Variants in ARSK observed in about 807,000 individuals in gnomAD.
The protein encoded by ARSK is arylsulfatase K.
A neutral mutation model predicts 53.2 loss-of-function variants in ARSK; 37 were observed. That is an observed-to-expected ratio of 0.70 (90% CI 0.54 to 0.92). The LOEUF (loss-of-function observed/expected upper bound fraction) is 0.92. Ranked by LOEUF, ARSK falls within the 40% of genes least tolerant of loss-of-function variation. The pLI, the probability that ARSK is intolerant of heterozygous loss-of-function variation, is 0.00. For missense variants in ARSK, 613 were observed against 643.0 expected, an observed-to-expected ratio of 0.95 and a Z score of 0.51; for synonymous variants, 208 against 223.2, an observed-to-expected ratio of 0.93 and a Z score of 0.61.
chr5:95,578,016 A>G (rs185079132), intron 3 of ARSK, among the ~76,000 whole-genome samples: 1 of 152,314 alleles, frequency 6.6e-6, no homozygotes, highest in South Asian at 2.1e-4. Flanking sequence ...ATGATGTTCC[A>G]ACCTGAATTT....
chr5:95,579,399 G>A (rs1458419781), intron 3 of ARSK, among the ~76,000 whole-genome samples: 1 of 152,210 alleles, frequency 6.6e-6, no homozygotes, highest in Non-Finnish European at 1.5e-5. Context: ...ATCTTACATG[G>A]CAGCAGGCAA....
At chr5:95,581,477 T>G (rs1319716245) in intron 3 of ARSK, among the ~76,000 whole-genome samples, 1 of 152,212 alleles carries the variant, frequency 6.6e-6, no homozygotes, top group Non-Finnish European at 1.5e-5. Context: ...AGGACAATAG[T>G]CTAACCTGAG....
intron 4 of ARSK, among the ~76,000 whole-genome samples, chr5:95,585,367 C>T (rs1749094979): frequency 6.6e-6 from 1 of 152,178 alleles, no homozygotes; most frequent in Non-Finnish European, 1.5e-5. Context: ...GATACTTGCT[C>T]TCACGTGTTT....
In ARSK at chr5:95,595,193, G is replaced by A. The variant is rs138229881; in HGVS notation, c.1096+3568G>A. ...AAAAGTCAAAAAGCAACAGATGTTG[G>A]TGAGGCTGCAGAGAAAGGGGAACAC... On this transcript the variant is annotated intron_variant, in intron 6 of 7. Coordinates refer to ENST00000380009, the MANE Select transcript of ARSK (RefSeq NM_198150.3). 3.8e-3 allele frequency among the ~76,000 whole-genome samples: 578 copies of A among 152,310 alleles called. 4 individuals are homozygous for A. Among genetic ancestry groups the A allele is most frequent in the South Asian group, 6.4e-3 (31 of 4,822 alleles).
intron 2 of ARSK, among the ~76,000 whole-genome samples, chr5:95,566,772 C>T (rs978022060): frequency 6.6e-6 from 1 of 152,016 alleles, no homozygotes; most frequent in Non-Finnish European, 1.5e-5. Flanking sequence ...TTTTCCTTTT[C>T]CCCTGTCTTC....
At chr5:95,573,123 C>T (rs778285391) in intron 3 of ARSK, among the ~76,000 whole-genome samples, 7 of 152,176 alleles carry the variant, frequency 4.6e-5, no homozygotes, top group Non-Finnish European at 1.0e-4. Flanking sequence ...TTATGCTCGT[C>T]AGCCTGGTCT....
chr5:95,576,348 G>A (rs1748923574), intron 3 of ARSK, among the ~76,000 whole-genome samples: 1 of 151,516 alleles, frequency 6.6e-6, no homozygotes, highest in East Asian at 2.0e-4. Context: ...ATAGGTGCAT[G>A]CCACTACACC....
chr5:95,569,088 A>T (rs1415130764), intron 3 of ARSK, among the ~76,000 whole-genome samples: 1 of 152,176 alleles, frequency 6.6e-6, no homozygotes, highest in Non-Finnish European at 1.5e-5. Flanking sequence ...AATAAATTAT[A>T]GCCATGAGCG....
chr5:95,560,804 T>C (rs574496781), intron 1 of ARSK, among the ~76,000 whole-genome samples: 1 of 10,906 alleles, frequency 9.2e-5, no homozygotes, highest in African/African-American at 3.2e-4. Flanking sequence ...CAAAAGATCT[T>C]TTTTTTTTTT....
intron 3 of ARSK, 22 bp from the exon 4 acceptor site, chr5:95,582,894 A>G (rs1386997571): frequency 1.9e-6 from 3 of 1,573,966 alleles, no homozygotes; most frequent in Non-Finnish European, 2.6e-6. Context: ...CTGACAATAT[A>G]TGTGTCTTTT....
intron 6 of ARSK, among the ~76,000 whole-genome samples, chr5:95,599,911 T>C (rs749218075): frequency 5.3e-5 from 8 of 152,168 alleles, no homozygotes; most frequent in Non-Finnish European, 1.2e-4. Context: ...CTATTTTTCA[T>C]TGGAAATATT....
intron 3 of ARSK, among the ~76,000 whole-genome samples, chr5:95,578,821 T>G (rs975377144): frequency 3.9e-5 from 6 of 152,234 alleles, no homozygotes; most frequent in African/African-American, 9.7e-5. Flanking sequence ...CTGTGCTACT[T>G]GTAAACTGAT....
At chr5:95,562,847 C>T (rs532837966) in intron 1 of ARSK, among the ~76,000 whole-genome samples, 1 of 152,270 alleles carries the variant, frequency 6.6e-6, no homozygotes, top group East Asian at 1.9e-4. Context: ...TTGAAATGGG[C>T]TATTAGTAAG....
chr5:95,576,576 T>C (rs552294511), intron 3 of ARSK, among the ~76,000 whole-genome samples: 37 of 152,166 alleles, frequency 2.4e-4, no homozygotes, highest in African/African-American at 8.4e-4. Context: ...AATATGGTGA[T>C]CATTTTCATT....
intron 3 of ARSK, among the ~76,000 whole-genome samples, chr5:95,574,654 C>G (rs774525328): frequency 6.6e-6 from 1 of 152,118 alleles, no homozygotes; most frequent in Non-Finnish European, 1.5e-5. Context: ...TAAGAAATGT[C>G]TGTTCAGATC....
intron 1 of ARSK, among the ~76,000 whole-genome samples, chr5:95,558,806 A>G (rs1031063781): frequency 2.0e-5 from 3 of 152,234 alleles, no homozygotes; most frequent in African/African-American, 7.2e-5. Flanking sequence ...CTAATTCTTC[A>G]TCTACTCTTC....
chr5:95,573,716 AAAT>A (rs989042944), intron 3 of ARSK, among the ~76,000 whole-genome samples: 1 of 152,230 alleles, frequency 6.6e-6, no homozygotes, highest in African/African-American at 2.4e-5. Flanking sequence ...AGCCAAGTCA[AAAT>A]AAGCAGTATT....
intron 6 of ARSK, among the ~76,000 whole-genome samples, chr5:95,599,789 C>T (rs1749368110): frequency 6.6e-6 from 1 of 152,170 alleles, no homozygotes; most frequent in South Asian, 2.1e-4. Flanking sequence ...TTATAGCGGT[C>T]TTCATCTACT....
intron 6 of ARSK, among the ~76,000 whole-genome samples, chr5:95,596,204 C>A (rs1749305402): frequency 6.6e-6 from 1 of 152,164 alleles, no homozygotes; most frequent in Non-Finnish European, 1.5e-5. Flanking sequence ...TAAAATTAGA[C>A]CTGTGAGACA....
Sources: gnomAD v4.1 joint callset for allele counts (sites outside exome capture counted in the v4.1 genomes callset) on GRCh38, gnomAD v4.1.1 for gene constraint, MANE v1.5 for transcripts, NCBI Gene and HGNC (gene_info 2026-07-23, HGNC 2026-07-21) for gene names.